The following PLCB1 variants were observed in gnomAD, a reference collection of about 807,000 sequenced individuals.
PLCB1 encodes 1-phosphatidylinositol 4,5-bisphosphate phosphodiesterase beta-1.
PLCB1 carries 46 observed loss-of-function variants against 161.8 expected under a neutral mutation model. That is an observed-to-expected ratio of 0.28 (90% CI 0.22 to 0.36). The LOEUF (loss-of-function observed/expected upper bound fraction) is 0.36. PLCB1 is among the 10% of genes least tolerant of loss of function. The pLI, the probability that PLCB1 is intolerant of heterozygous loss-of-function variation, is 1.00. For synonymous variants in PLCB1, 517 were observed against 503.7 expected (o/e 1.03, Z -0.35); for missense variants, 1,016 against 1,472.5 (o/e 0.69, Z 5.07).
intron 3 of PLCB1, among the ~76,000 whole-genome samples, chr20:8,567,412 C>G (rs537530188): frequency 6.6e-6 from 1 of 152,088 alleles, no homozygotes; most frequent in Non-Finnish European, 1.5e-5. Flanking sequence ...CCCAAGTCTT[C>G]ACTTCATTCT....
At chr20:8,473,989 G>T (rs1322657935) in intron 3 of PLCB1, among the ~76,000 whole-genome samples, 2 of 152,190 alleles carry the variant, frequency 1.3e-5, no homozygotes, top group Non-Finnish European at 2.9e-5. Flanking sequence ...AATTAAGACA[G>T]TTAATTAATT....
chr20:8,821,495 AAATATG>A lies in PLCB1; in HGVS notation c.3423+31235_3423+31240del, dbSNP rs1985383839. Among the ~76,000 whole-genome samples the A allele has an allele frequency of 2.8e-4, 2 of 7,026 alleles. 1 individual carries two copies. The highest frequency in any genetic ancestry group is 5.5e-4 in the Non-Finnish European group (2 of 3,622). 4.6% of individuals were successfully genotyped at this position (7,026 alleles called of 152,430 possible). A position where few individuals can be genotyped will look rare whatever the true frequency, so the allele number is the denominator to read the frequency against. On this transcript the variant is annotated intron_variant, in intron 31 of 31. Transcript: ENST00000338037. ...TCCGTCTCAAAAAAAAAAAAAAAAA[AAATATG>A]TATATATATATATATATATATATAT...
intron 2 of PLCB1, among the ~76,000 whole-genome samples, chr20:8,193,876 C>A (rs2051996168): frequency 6.6e-6 from 1 of 151,924 alleles, no homozygotes; most frequent in Admixed American, 6.6e-5. Flanking sequence ...TATCTTGGTA[C>A]TTTTTAAATG....
At chr20:8,710,446 A>G (rs1402466443) in intron 12 of PLCB1, among the ~76,000 whole-genome samples, 1 of 149,936 alleles carries the variant, frequency 6.7e-6, no homozygotes, top group Non-Finnish European at 1.5e-5. Flanking sequence ...GATTCAAACC[A>G]TATCACAATA....
intron 2 of PLCB1, among the ~76,000 whole-genome samples, chr20:8,249,245 G>C (rs886774808): frequency 7.9e-5 from 12 of 151,958 alleles, no homozygotes; most frequent in Admixed American, 3.9e-4. Flanking sequence ...GCTGTTAGTG[G>C]TCTTTGACGT....
intron 2 of PLCB1, among the ~76,000 whole-genome samples, chr20:8,249,090 A>G (rs1981018305): frequency 6.6e-6 from 1 of 152,070 alleles, no homozygotes; most frequent in East Asian, 1.9e-4. Context: ...TAAGACTTGC[A>G]TGGATATTTC....
intron 3 of PLCB1, among the ~76,000 whole-genome samples, chr20:8,415,338 A>G (rs1979222739): frequency 6.6e-6 from 1 of 152,232 alleles, no homozygotes; most frequent in Admixed American, 6.5e-5. Context: ...CCTGAATTAA[A>G]AAATTATCAT....
chr20:8,634,697 T>C (rs1988706171), intron 4 of PLCB1, among the ~76,000 whole-genome samples: 1 of 152,234 alleles, frequency 6.6e-6, no homozygotes, highest in South Asian at 2.1e-4. Flanking sequence ...TTTCATTCTC[T>C]ATTACCTGCA....
At chr20:8,630,143 C>G (rs1988539804) in intron 4 of PLCB1, among the ~76,000 whole-genome samples, 1 of 147,602 alleles carries the variant, frequency 6.8e-6, no homozygotes, top group Non-Finnish European at 1.5e-5. Flanking sequence ...GTAGTGGCTC[C>G]TGCACTCCAC....
At chr20:8,197,748 G>T (rs968601486) in intron 2 of PLCB1, among the ~76,000 whole-genome samples, 1 of 152,106 alleles carries the variant, frequency 6.6e-6, no homozygotes, top group African/African-American at 2.4e-5. Flanking sequence ...CCTATGTCCT[G>T]CATGGTATTG....
intron 25 of PLCB1, among the ~76,000 whole-genome samples, chr20:8,764,665 T>C (rs1044974240): frequency 2.6e-5 from 4 of 152,096 alleles, no homozygotes; most frequent in African/African-American, 9.7e-5. Flanking sequence ...ATGTTCCAAA[T>C]ATGCAAGAAG....
chr20:8,281,724 A>T (rs1286946732), intron 2 of PLCB1, among the ~76,000 whole-genome samples: 1 of 152,090 alleles, frequency 6.6e-6, no homozygotes, highest in African/African-American at 2.4e-5. Context: ...TTCCTGACAC[A>T]CTTATCATTC....
intron 1 of PLCB1, among the ~76,000 whole-genome samples, chr20:8,137,246 A>C (rs1295674169): frequency 2.0e-5 from 3 of 152,248 alleles, no homozygotes; most frequent in Non-Finnish European, 2.9e-5. Flanking sequence ...AAATGATGAC[A>C]AGTAAATGAT....
At position 8,289,013 on chromosome 20, in the gene PLCB1, T is replaced by A. The variant is rs540281519; in HGVS notation, c.178-82369T>A. On this transcript the variant is annotated intron_variant, in intron 2 of 31. Coordinates refer to ENST00000338037, the MANE Select transcript of PLCB1 (RefSeq NM_015192.4). Reference sequence around the variant, plus strand: ...CCGGGGACACAATTTGTTGAATGAGTAGGGGCGGGATGAGGTAGGAACTTT... The same window carrying A: ...CCGGGGACACAATTTGTTGAATGAGAAGGGGCGGGATGAGGTAGGAACTTT... Among the ~76,000 whole-genome samples, 3 of 152,062 alleles carry A rather than the reference T, an allele frequency of 2.0e-5. No homozygotes were observed. In the South Asian group the frequency reaches 6.2e-4, roughly 32 times the overall value.
At chr20:8,568,685 T>C (rs1481314735) in intron 3 of PLCB1, among the ~76,000 whole-genome samples, 2 of 151,426 alleles carry the variant, frequency 1.3e-5, no homozygotes, top group African/African-American at 2.4e-5. Context: ...TTACACAGAG[T>C]AGGGAAGAAT....
intron 3 of PLCB1, among the ~76,000 whole-genome samples, chr20:8,523,945 C>A (rs1016231143): frequency 6.6e-6 from 1 of 151,918 alleles, no homozygotes; most frequent in Non-Finnish European, 1.5e-5. Flanking sequence ...GGAGTTAATA[C>A]GTGAAATTTC....
In PLCB1 at chr20:8,704,864, G is replaced by A. The variant is rs369890595; in HGVS notation, c.1168-3806G>A. On this transcript the variant is annotated intron_variant, in intron 11 of 31. Coordinates refer to ENST00000338037, the MANE Select transcript of PLCB1 (RefSeq NM_015192.4). The stretch of plus-strand genomic sequence containing the variant: ...GCACAATATCAGTCCCAATCCAAAG[G>A]CCTAAGAATAAGGAGAGCTAATGGT... Among the ~76,000 whole-genome samples, 174 of 152,188 alleles carry A rather than the reference G, an allele frequency of 1.1e-3. 3 individuals carry two copies. In the South Asian group the frequency reaches 0.031, roughly 27 times the overall value.
chr20:8,708,976 T>G (rs565657848), intron 12 of PLCB1, among the ~76,000 whole-genome samples: 1 of 152,308 alleles, frequency 6.6e-6, no homozygotes, highest in African/African-American at 2.4e-5. Context: ...CATAGTATGG[T>G]TTTTAAATTA....
At chr20:8,456,142 T>C (rs1182365984) in intron 3 of PLCB1, among the ~76,000 whole-genome samples, 1 of 152,226 alleles carries the variant, frequency 6.6e-6, no homozygotes, top group Non-Finnish European at 1.5e-5. Context: ...ACAGTGATTA[T>C]TTTTTAAATA....
Sources: gnomAD v4.1 joint callset for allele counts (sites outside exome capture counted in the v4.1 genomes callset) on GRCh38, gnomAD v4.1.1 for gene constraint, MANE v1.5 for transcripts, NCBI Gene and HGNC (gene_info 2026-07-23, HGNC 2026-07-21) for gene names.